The following ATPAF1 variants were observed in gnomAD, a reference collection of about 807,000 sequenced individuals.
ATPAF1 encodes homolog of yeast ATP11.
Under a neutral mutation model 43.9 loss-of-function variants are expected in ATPAF1, and 26 were observed. The ratio of observed to expected loss-of-function variants is 0.59; its 90% CI spans 0.43 to 0.82. ATPAF1 has a LOEUF of 0.82. Among genes scored for constraint, ATPAF1 ranks in the 40% least tolerant of loss-of-function variants. The probability of loss-of-function intolerance (pLI) is 0.00; values close to 1 mark genes in which losing one functional copy is unlikely to be tolerated. For synonymous variants in ATPAF1, 157 were observed against 168.0 expected (o/e 0.93, Z 0.50); for missense variants, 366 against 435.0 (o/e 0.84, Z 1.41).
chr1:46,667,954 G>C (rs1676519293), intron 1 of ATPAF1, 103 bp downstream of exon 1: 1 of 921,910 alleles, frequency 1.1e-6, no homozygotes, highest in Non-Finnish European at 1.4e-6. Context: ...TGAAGAGCTG[G>C]GACAGTACTA....
chr1:46,635,714 G>C, exon 9 of ATPAF1: 5 of 1,477,358 alleles, frequency 3.4e-6, no homozygotes, highest in Non-Finnish European at 4.6e-6. Context: ...TTCCTGAGGA[G>C]GGGGTGGGCT....
At chr1:46,662,755 T>C (rs1676414504) in intron 2 of ATPAF1, among the ~76,000 whole-genome samples, 1 of 152,242 alleles carries the variant, frequency 6.6e-6, no homozygotes, top group South Asian at 2.1e-4. Context: ...CTGTTCTAAT[T>C]AACTCAATTA....
At chr1:46,665,708 A>C in intron 1 of ATPAF1, 1 of 1,532,012 alleles carries the variant, frequency 6.5e-7, no homozygotes, top group East Asian at 2.4e-5. Context: ...CAAGAATCCT[A>C]TAGCCTCCTT....
chr1:46,643,428 G>T, intron 7 of ATPAF1, 127 bp from the exon 8 acceptor site: 1 of 672,224 alleles, frequency 1.5e-6, no homozygotes. Context: ...GTGAGTTGGA[G>T]GACTGGTATG....
chr1:46,633,418 G>A (rs1257704755), downstream of ATPAF1: 3 of 206,090 alleles, frequency 1.5e-5, no homozygotes, highest in Non-Finnish European at 1.9e-5. Flanking sequence ...ATTTTAGATG[G>A]AAAAAAAACC....
downstream of ATPAF1, chr1:46,633,249 T>C (rs1557922507): frequency 1.3e-5 from 2 of 148,174 alleles, no homozygotes; most frequent in Non-Finnish European, 3.0e-5. Context: ...TTCTTTTAAC[T>C]GGAATAAAGA....
chr1:46,663,886 G>A (rs1471121312), intron 2 of ATPAF1: 52 of 1,279,008 alleles, frequency 4.1e-5, no homozygotes, highest in Admixed American at 1.9e-4. Context: ...TCTCCCTGGC[G>A]CTGGCCTCTC....
At chr1:46,652,128 G>A (rs535124906) in intron 6 of ATPAF1, among the ~76,000 whole-genome samples, 22 of 150,058 alleles carry the variant, frequency 1.5e-4, no homozygotes, top group Non-Finnish European at 5.9e-5. Context: ...ATTACACACT[G>A]CACACATGTA....
At chr1:46,663,991 A>G (rs528657492) in intron 2 of ATPAF1, 18 of 939,134 alleles carry the variant, frequency 1.9e-5, no homozygotes, top group Non-Finnish European at 2.3e-5. Flanking sequence ...GAGTTTTTTA[A>G]AAGATGAAAG....
chr1:46,635,513 CT>C, exon 9 of ATPAF1: 1 of 451,838 alleles, frequency 2.2e-6, no homozygotes, highest in Non-Finnish European at 3.9e-6. Flanking sequence ...CTTGTAGGTC[CT>C]TGGCTGTCTC....
chr1:46,665,230 A>G, intron 2 of ATPAF1, 26 bp downstream of exon 2: 1 of 1,610,992 alleles, frequency 6.2e-7, no homozygotes, highest in Non-Finnish European at 8.5e-7. Context: ...TGGTAAGCAA[A>G]CACCACAAAT....
At chr1:46,643,147 T>C in intron 8 of ATPAF1, 47 bp downstream of exon 8, 1 of 1,447,458 alleles carries the variant, frequency 6.9e-7, no homozygotes, top group Non-Finnish European at 9.7e-7. Context: ...AGTAATACCT[T>C]CAGTGCCATG....
At chr1:46,646,865 C>T (rs1676053456) in intron 6 of ATPAF1, among the ~76,000 whole-genome samples, 1 of 152,148 alleles carries the variant, frequency 6.6e-6, no homozygotes, top group Non-Finnish European at 1.5e-5. Context: ...CCCTTACTGT[C>T]CCTAAGCAAC....
At chr1:46,640,336 G>A (rs796323759) in intron 8 of ATPAF1, among the ~76,000 whole-genome samples, 39 of 152,218 alleles carry the variant, frequency 2.6e-4, no homozygotes, top group African/African-American at 7.9e-4. Flanking sequence ...TTGGCCCAGC[G>A]TGGTGGCTCA....
At chr1:46,647,360 CCTT>C (rs1676063009) in intron 6 of ATPAF1, among the ~76,000 whole-genome samples, 1 of 152,206 alleles carries the variant, frequency 6.6e-6, no homozygotes, top group Non-Finnish European at 1.5e-5. Flanking sequence ...TTGTCTGCCT[CCTT>C]CTTTGGTTTT....
In ATPAF1 at chr1:46,668,277, C is replaced by G. The variant is rs1415913832; in HGVS notation, c.46G>C (p.Val16Leu). 1 of 1,384,414 alleles carries G rather than the reference C, an allele frequency of 7.2e-7. No homozygotes were observed. The highest frequency in any genetic ancestry group is 9.4e-7 in the Non-Finnish European group (1 of 1,064,598). 85.8% of individuals were successfully genotyped at this position (1,384,414 alleles called of 1,614,324 possible). Residue 16 changes from valine to leucine, a missense_variant, in exon 1 of 9, where the codon GTC becomes CTC. Physicochemically the swap from Val to Leu is conservative, Grantham distance 32. Around this residue, in one of 2 missense-constraint regions of ATPAF1, gnomAD observed 186 missense variants for 168.5 expected, o/e 1.10. Coordinates refer to ENST00000574428, the Ensembl canonical transcript of ATPAF1. The surrounding 1 kb of genome is among the most constrained non-coding windows in gnomAD (Gnocchi z 4.4). ...CGGTAGAGACCGGCCACCTGCAGGACCGCCGGTCCCGCGCCACCCGCAGCC... is the reference window on the plus strand; with the variant it reads ...CGGTAGAGACCGGCCACCTGCAGGAGCGCCGGTCCCGCGCCACCCGCAGCC...
Position 46,648,145 on chromosome 1 carries a change from T to C in ATPAF1, c.589-2889A>G, listed in dbSNP as rs187130306. 4.0e-4 allele frequency among the ~76,000 whole-genome samples: 61 copies of C among 152,284 alleles called. 1 individual carries two copies. Among genetic ancestry groups the C allele is most frequent in the Admixed American group, 9.2e-4 (14 of 15,298 alleles). On this transcript the variant is annotated intron_variant, in intron 6 of 8. Transcript: ENST00000574428. The stretch of plus-strand genomic sequence containing the variant: ...TTATTTTTTTGAGACAGAATCTCAC[T>C]CTGTCAGCTAGTCTGGAGTGCTGTG...
intron 6 of ATPAF1, among the ~76,000 whole-genome samples, chr1:46,650,912 T>G (rs1676153123): frequency 6.6e-6 from 1 of 152,074 alleles, no homozygotes; most frequent in East Asian, 1.9e-4. Flanking sequence ...AAAGTACAGC[T>G]AGATGGGAGA....
At chr1:46,633,038 T>C (rs1675778130), downstream of ATPAF1, 1 of 152,654 alleles carries the variant, frequency 6.6e-6, no homozygotes, top group Non-Finnish European at 1.5e-5. Flanking sequence ...GTTCTCAAAG[T>C]GTGGCTGGCT....
Sources: allele counts gnomAD v4.1 joint callset (sites outside exome capture counted in the v4.1 genomes callset), GRCh38; gene constraint gnomAD v4.1.1; regional missense constraint gnomAD v4.1.1; non-coding constraint Gnocchi (gnomAD v3.1); transcripts MANE v1.5; gene names NCBI Gene and HGNC (gene_info 2026-07-23, HGNC 2026-07-21).